Variants in AGBL4 observed in about 807,000 individuals in gnomAD.
The protein encoded by AGBL4 is AGBL carboxypeptidase 4.
AGBL4 carries 58 observed loss-of-function variants against 66.4 expected under a neutral mutation model. That is an observed-to-expected ratio of 0.87 (90% CI 0.71 to 1.09). The LOEUF is 1.09. Among genes scored for constraint, AGBL4 ranks in the 50% least tolerant of loss-of-function variants. The pLI is 0.00. For missense variants in AGBL4, 579 were observed against 631.0 expected (o/e 0.92, Z 0.88); for synonymous variants, 234 against 222.9 (o/e 1.05, Z -0.44).
chr1:48,855,344 A>G (rs1558042478), intron 6 of AGBL4, among the ~76,000 whole-genome samples: 1 of 152,174 alleles, frequency 6.6e-6, no homozygotes, highest in African/African-American at 2.4e-5. Context: ...CAGGACAAAT[A>G]CCTTAGGAAC....
At chr1:49,210,319 A>G (rs1013527595) in intron 4 of AGBL4, among the ~76,000 whole-genome samples, 2 of 152,114 alleles carry the variant, frequency 1.3e-5, no homozygotes, top group African/African-American at 4.8e-5. Flanking sequence ...CTACTAAGTT[A>G]TACCAGGATT....
chr1:49,278,487 T>A (rs1198184355), intron 3 of AGBL4, among the ~76,000 whole-genome samples: 2 of 152,182 alleles, frequency 1.3e-5, no homozygotes, highest in African/African-American at 4.8e-5. Context: ...ATGGTACTGC[T>A]TTTTAGGGCA....
intron 3 of AGBL4, among the ~76,000 whole-genome samples, chr1:49,556,057 C>T (rs1222516264): frequency 6.6e-6 from 1 of 152,140 alleles, no homozygotes; most frequent in Non-Finnish European, 1.5e-5. Context: ...ATAAATCATG[C>T]TGCTATAAAG....
chr1:49,956,634 C>T (rs1027488154), intron 1 of AGBL4, among the ~76,000 whole-genome samples: 3 of 151,866 alleles, frequency 2.0e-5, no homozygotes, highest in Non-Finnish European at 4.4e-5. Flanking sequence ...CTTTATCAAG[C>T]TTGATCCTCA....
chr1:49,251,767 A>G (rs1178187951), intron 3 of AGBL4, among the ~76,000 whole-genome samples: 1 of 152,178 alleles, frequency 6.6e-6, no homozygotes, highest in African/African-American at 2.4e-5. Flanking sequence ...TTGGGGCCCA[A>G]TACAAGTCCC....
intron 3 of AGBL4, among the ~76,000 whole-genome samples, chr1:49,618,863 C>G (rs1489893813): frequency 1.3e-5 from 2 of 152,068 alleles, no homozygotes; most frequent in Non-Finnish European, 2.9e-5. Flanking sequence ...GAAGCAATGA[C>G]AAAAATACAT....
intron 1 of AGBL4, among the ~76,000 whole-genome samples, chr1:50,015,846 A>G (rs551249757): frequency 3.9e-5 from 6 of 152,326 alleles, no homozygotes; most frequent in Admixed American, 1.3e-4. Context: ...AAAGCTGCAC[A>G]TCTACAACTA....
At chr1:48,606,866 A>G (rs1645161581) in intron 9 of AGBL4, among the ~76,000 whole-genome samples, 1 of 152,208 alleles carries the variant, frequency 6.6e-6, no homozygotes, top group Non-Finnish European at 1.5e-5. Context: ...TGGAAACTAT[A>G]TGTGCACTGC....
At chr1:48,641,021 G>A (rs376282227) in intron 8 of AGBL4, among the ~76,000 whole-genome samples, 4 of 152,100 alleles carry the variant, frequency 2.6e-5, no homozygotes, top group African/African-American at 7.2e-5. Flanking sequence ...CCTGAGCACC[G>A]TGAGGCTGCT....
chr1:49,328,256 C>G (rs554671071), intron 3 of AGBL4, among the ~76,000 whole-genome samples: 1 of 152,284 alleles, frequency 6.6e-6, no homozygotes, highest in East Asian at 1.9e-4. Flanking sequence ...GTTTCCATTT[C>G]AAGTTTCAAT....
At chr1:49,472,413 G>T (rs1272454097) in intron 3 of AGBL4, among the ~76,000 whole-genome samples, 2 of 151,958 alleles carry the variant, frequency 1.3e-5, no homozygotes, top group African/African-American at 4.8e-5. Context: ...TCATCAAAAT[G>T]CTTTATCGAG....
chr1:49,486,547 A>G (rs1380545787), intron 3 of AGBL4, among the ~76,000 whole-genome samples: 2 of 151,832 alleles, frequency 1.3e-5, no homozygotes, highest in African/African-American at 2.4e-5. Context: ...CCAGTTTTCA[A>G]TGTTTCCTGC....
At chr1:49,708,839 G>A (rs1200911548) in intron 2 of AGBL4, among the ~76,000 whole-genome samples, 1 of 152,086 alleles carries the variant, frequency 6.6e-6, no homozygotes, top group African/African-American at 2.4e-5. Context: ...TGAGTATACT[G>A]GAGGTCCACT....
At chr1:49,376,959 T>G (rs537815064) in intron 3 of AGBL4, among the ~76,000 whole-genome samples, 12 of 152,276 alleles carry the variant, frequency 7.9e-5, no homozygotes, top group African/African-American at 2.6e-4. Context: ...GAATGTTTAC[T>G]TGAAAGTAAT....
At chr1:48,783,520 T>C (rs963922390) in intron 6 of AGBL4, among the ~76,000 whole-genome samples, 1 of 152,194 alleles carries the variant, frequency 6.6e-6, no homozygotes, top group African/African-American at 2.4e-5. Flanking sequence ...CAAAGAAATG[T>C]GGGCTTAGGA....
At chr1:48,607,654 G>T (rs188431326) in intron 9 of AGBL4, among the ~76,000 whole-genome samples, 1 of 151,838 alleles carries the variant, frequency 6.6e-6, no homozygotes, top group Non-Finnish European at 1.5e-5. Flanking sequence ...TCTGTTGAAC[G>T]GCACCATTCT....
intron 5 of AGBL4, among the ~76,000 whole-genome samples, chr1:48,878,184 C>T (rs1649407755): frequency 6.6e-6 from 1 of 152,126 alleles, no homozygotes; most frequent in African/African-American, 2.4e-5. Flanking sequence ...AAGATCCTAT[C>T]ATACTCAAGT....
chr1:48,857,312 C>A (rs4926768), intron 6 of AGBL4, among the ~76,000 whole-genome samples: 135,419 of 152,264 alleles, frequency 0.89, 60,820 homozygotes, highest in Non-Finnish European at 0.96. Flanking sequence ...TGAAAACTGG[C>A]TGGCCACATG....
At chr1:49,446,348 A>C (rs1646155995) in intron 3 of AGBL4, among the ~76,000 whole-genome samples, 1 of 152,168 alleles carries the variant, frequency 6.6e-6, no homozygotes, top group Non-Finnish European at 1.5e-5. Context: ...AGAGGACTTT[A>C]TCCTGAGAAT....
Sources: allele counts gnomAD v4.1 joint callset (sites outside exome capture counted in the v4.1 genomes callset), GRCh38; gene constraint gnomAD v4.1.1; transcripts MANE v1.5; gene names NCBI Gene and HGNC (gene_info 2026-07-23, HGNC 2026-07-21).